Variants in MAP6 observed in about 807,000 individuals in gnomAD.
MAP6 encodes the protein microtubule-associated protein 6.
Under a neutral mutation model 42.4 loss-of-function variants are expected in MAP6, and 26 were observed. The ratio of observed to expected loss-of-function variants is 0.61; its 90% CI spans 0.45 to 0.85. MAP6 has a LOEUF of 0.85. MAP6 is among the 40% of genes least tolerant of loss of function. MAP6 has a pLI of 0.00. For missense variants in MAP6, 966 were observed against 1,099.0 expected (o/e 0.88, Z 1.71); for synonymous variants, 418 against 443.8 (o/e 0.94, Z 0.73).
intron 1 of MAP6, among the ~76,000 whole-genome samples, chr11:75,655,789 G>A (rs909598300): frequency 4.6e-5 from 7 of 152,208 alleles, no homozygotes; most frequent in African/African-American, 1.7e-4. Flanking sequence ...ACTTGGCAGG[G>A]GCCTGCTGGA....
intron 1 of MAP6, among the ~76,000 whole-genome samples, chr11:75,647,171 AT>A (rs111640570): frequency 1.4e-3 from 212 of 150,526 alleles, no homozygotes; most frequent in African/African-American, 4.4e-3. Context: ...AGTAGAGACG[AT>A]TTTTTTTTAC....
chr11:75,658,620 A>C (rs1271009633), intron 1 of MAP6, among the ~76,000 whole-genome samples: 1 of 152,142 alleles, frequency 6.6e-6, no homozygotes, highest in East Asian at 1.9e-4. Context: ...CACTGCTGTC[A>C]AAGTCACCTT....
intron 3 of MAP6, chr11:75,602,893 A>G (rs1279047780): frequency 5.5e-5 from 54 of 985,540 alleles, no homozygotes; most frequent in Non-Finnish European, 1.8e-5. Flanking sequence ...TTATAATTGG[A>G]AAAACTGTTT....
intron 1 of MAP6, among the ~76,000 whole-genome samples, chr11:75,610,484 C>G (rs1942876616): frequency 6.6e-6 from 1 of 152,220 alleles, no homozygotes; most frequent in Non-Finnish European, 1.5e-5. Flanking sequence ...GACCAACCTG[C>G]AGGCAGTGTG....
rs1943967866 is a variant in MAP6, at chr11:75,667,441, G to A, written c.905+24C>T. The A allele has an allele frequency of 1.4e-6, 2 of 1,450,946 alleles. No individual in the cohort carries two copies. Among genetic ancestry groups the A allele is most frequent in the Non-Finnish European group, 1.8e-6 (2 of 1,108,906 alleles). 89.9% of individuals were successfully genotyped at this position (1,450,946 alleles called of 1,614,324 possible). A position where few individuals can be genotyped will look rare whatever the true frequency, so the allele number is the denominator to read the frequency against. ...GGAGGGTCTGCGTGGTGACTCCCCC[G>A]CGCTAGCAGCGGCCGCGTCTCACCT... On this transcript the variant is annotated intron_variant, in intron 1 of 3. Coordinates refer to ENST00000304771, the MANE Select transcript of MAP6 (RefSeq NM_033063.2). This position sits in a 1 kb window ranked among gnomAD's most constrained non-coding sequence, Gnocchi z 5.6.
chr11:75,661,866 A>G (rs1943854145), intron 1 of MAP6, among the ~76,000 whole-genome samples: 1 of 152,156 alleles, frequency 6.6e-6, no homozygotes, highest in Admixed American at 6.5e-5. Flanking sequence ...TTGGAAAGGA[A>G]GATAATAAAT....
chr11:75,604,868 A>G (rs1942729765), intron 3 of MAP6: 1 of 985,376 alleles, frequency 1.0e-6, no homozygotes, highest in Non-Finnish European at 1.2e-6. Context: ...GCGGTTCAGG[A>G]AGGGAGAGTA....
chr11:75,649,599 T>TTGG (rs1943615407), intron 1 of MAP6, among the ~76,000 whole-genome samples: 2 of 152,112 alleles, frequency 1.3e-5, no homozygotes, highest in African/African-American at 4.8e-5. Context: ...AGTGCAGTGG[T>TTGG]GCAATCTCGG....
chr11:75,653,440 G>A (rs370759927), intron 1 of MAP6, among the ~76,000 whole-genome samples: 6 of 152,170 alleles, frequency 3.9e-5, no homozygotes, highest in East Asian at 3.8e-4. Flanking sequence ...ATTCGACCTC[G>A]AGTTTGTACA....
In MAP6 at chr11:75,588,066, G is replaced by A; in HGVS notation, c.1435C>T (p.Gln479Ter). The A allele has an allele frequency of 6.2e-7, 1 of 1,614,052 alleles. No individual in the cohort carries two copies. The highest frequency in any genetic ancestry group is 8.5e-7 in the Non-Finnish European group (1 of 1,180,038). Residue 479 changes from glutamine to a stop codon, truncating the protein, a stop_gained, in exon 4 of 4, where the codon CAA becomes TAA. Transcript: ENST00000304771. LOFTEE classifies it low-confidence loss of function (END_TRUNC). ...GAACCTTGCTTCTTCAGAGGCTCTT[G>A]CACCATAGGACCTTGACCTTTCAGA... The part of the protein sequence containing the change: ...GLLKGQGPMV[Q>*]EPLKKQGSVV...
chr11:75,640,829 A>G (rs2135657208), intron 1 of MAP6, among the ~76,000 whole-genome samples: 1 of 152,296 alleles, frequency 6.6e-6, no homozygotes, highest in Admixed American at 6.5e-5. Context: ...AAAAGTCAGG[A>G]AACAACAGAT....
At chr11:75,625,056 T>C (rs1375663406) in intron 1 of MAP6, among the ~76,000 whole-genome samples, 2 of 152,210 alleles carry the variant, frequency 1.3e-5, no homozygotes, top group African/African-American at 4.8e-5. Context: ...GCAGGTGCTC[T>C]GGGAGTTCAA....
At chr11:75,647,132 C>T (rs1175780574) in intron 1 of MAP6, among the ~76,000 whole-genome samples, 1 of 151,574 alleles carries the variant, frequency 6.6e-6, no homozygotes, top group African/African-American at 2.4e-5. Flanking sequence ...AGGCATGTAC[C>T]ACCAGGCCCA....
At chr11:75,627,189 A>G (rs1282111959) in intron 1 of MAP6, among the ~76,000 whole-genome samples, 1 of 152,228 alleles carries the variant, frequency 6.6e-6, no homozygotes, top group African/African-American at 2.4e-5. Flanking sequence ...GACACTCCGC[A>G]CCTGACTTCC....
intron 1 of MAP6, among the ~76,000 whole-genome samples, chr11:75,662,099 C>T (rs981977681): frequency 1.3e-5 from 2 of 152,076 alleles, no homozygotes; most frequent in East Asian, 3.9e-4. Context: ...ATAGTATTAG[C>T]TCAGACTGAT....
chr11:75,667,909 G>C lies in MAP6; in HGVS notation c.461C>G (p.Thr154Ser). The C allele has an allele frequency of 7.0e-7, 1 of 1,422,162 alleles. No homozygotes were observed. The allele number at this position is 1,422,162 out of a possible 1,614,324, so 88.1% of individuals were successfully genotyped here. Residue 154 changes from threonine to serine, a missense_variant, in exon 1 of 4, where the codon ACC (threonine) becomes AGC (serine). Around this residue, in one of 2 missense-constraint regions of MAP6, gnomAD observed 943 missense variants for 1,049.9 expected, o/e 0.90. Transcript: ENST00000304771. This position sits in a 1 kb window ranked among gnomAD's most constrained non-coding sequence, Gnocchi z 5.6. ...GGCGCGGAAGTCCTTCTGGTACTGGGTCTCGCGCTCGAAGGGAGCGTCGGA... is the reference window on the plus strand; with the variant it reads ...GGCGCGGAAGTCCTTCTGGTACTGGCTCTCGCGCTCGAAGGGAGCGTCGGA... Reference protein sequence around the residue: ...QPSDAPFERETQYQKDFRAWP... With the variant: ...QPSDAPFERESQYQKDFRAWP...
intron 3 of MAP6, chr11:75,603,351 T>C (rs1942700136): frequency 8.1e-6 from 8 of 985,690 alleles, no homozygotes; most frequent in Non-Finnish European, 9.6e-6. Context: ...GGAACCAAAA[T>C]CAGTTTCATT....
At chr11:75,628,592 G>C (rs1943236047) in intron 1 of MAP6, among the ~76,000 whole-genome samples, 1 of 152,198 alleles carries the variant, frequency 6.6e-6, no homozygotes, top group Non-Finnish European at 1.5e-5. Context: ...GCAGGAGGGA[G>C]AAAAACATTC....
chr11:75,631,986 C>CCTTA (rs1411109009), intron 1 of MAP6, among the ~76,000 whole-genome samples: 1 of 152,198 alleles, frequency 6.6e-6, no homozygotes, highest in African/African-American at 2.4e-5. Flanking sequence ...TACAGACATT[C>CCTTA]CTTACTTTAA....
Sources: allele counts gnomAD v4.1 joint callset (sites outside exome capture counted in the v4.1 genomes callset), GRCh38; gene constraint gnomAD v4.1.1; regional missense constraint gnomAD v4.1.1; non-coding constraint Gnocchi (gnomAD v3.1); transcripts MANE v1.5; gene names NCBI Gene and HGNC (gene_info 2026-07-23, HGNC 2026-07-21).